The following LRRC8D variants were observed in gnomAD, a reference collection of about 807,000 sequenced individuals.
The protein encoded by LRRC8D is volume-regulated anion channel subunit LRRC8D.
In LRRC8D, 20 loss-of-function variants were observed where a neutral mutation model predicts 55.8. The observed-to-expected ratio is 0.36, with a 90% CI of 0.25 to 0.52. LRRC8D has a LOEUF of 0.52. Ranked by LOEUF, LRRC8D falls within the 20% of genes least tolerant of loss-of-function variation. LRRC8D has a pLI of 0.93. For missense variants in LRRC8D, 651 were observed against 1,030.8 expected, an observed-to-expected ratio of 0.63 and a Z score of 5.05; for synonymous variants, 352 against 377.0, an observed-to-expected ratio of 0.93 and a Z score of 0.77.
intron 2 of LRRC8D, among the ~76,000 whole-genome samples, chr1:89,882,103 A>C (rs540952700): frequency 1.3e-5 from 2 of 152,212 alleles, no homozygotes; most frequent in Non-Finnish European, 2.9e-5. Flanking sequence ...TTCTGGTTGT[A>C]TGCTGCCTAC....
chr1:89,887,767 A>G (rs1355398079), intron 2 of LRRC8D, among the ~76,000 whole-genome samples: 1 of 152,212 alleles, frequency 6.6e-6, no homozygotes, highest in East Asian at 1.9e-4. Context: ...TTTCTGCAGC[A>G]GTATCATGAA....
intron 2 of LRRC8D, among the ~76,000 whole-genome samples, chr1:89,880,747 G>A (rs1274875656): frequency 6.6e-6 from 1 of 151,990 alleles, no homozygotes; most frequent in African/African-American, 2.4e-5. Flanking sequence ...CTTCTTGCAT[G>A]GACTGTTGTG....
At chr1:89,832,687 C>T (rs1660915310) in intron 1 of LRRC8D, among the ~76,000 whole-genome samples, 1 of 152,154 alleles carries the variant, frequency 6.6e-6, no homozygotes, top group East Asian at 1.9e-4. Flanking sequence ...CTCTACTCTA[C>T]AGATGGAAGT....
intron 2 of LRRC8D, among the ~76,000 whole-genome samples, chr1:89,844,829 A>G (rs1289223183): frequency 6.6e-6 from 1 of 152,138 alleles, no homozygotes; most frequent in Admixed American, 6.5e-5. Flanking sequence ...CTTGGGGAGG[A>G]CACTAAGGGG....
At chr1:89,864,505 ATCTT>A (rs1355947326) in intron 2 of LRRC8D, among the ~76,000 whole-genome samples, 1 of 151,942 alleles carries the variant, frequency 6.6e-6, no homozygotes, top group Non-Finnish European at 1.5e-5. Flanking sequence ...TCTCAATTCT[ATCTT>A]AAATTTTATC....
intron 1 of LRRC8D, among the ~76,000 whole-genome samples, chr1:89,831,672 T>C (rs1213038704): frequency 6.6e-6 from 1 of 152,148 alleles, no homozygotes; most frequent in Non-Finnish European, 1.5e-5. Context: ...TATTTTGCAA[T>C]TCCTAGTGTA....
chr1:89,926,178 C>T (rs537879532), intron 2 of LRRC8D, among the ~76,000 whole-genome samples: 2 of 152,354 alleles, frequency 1.3e-5, no homozygotes, highest in South Asian at 4.1e-4. Context: ...GGGCTTGCCC[C>T]GTTCTGTGCA....
intron 1 of LRRC8D, among the ~76,000 whole-genome samples, chr1:89,830,177 A>G (rs781082190): frequency 1.3e-5 from 2 of 152,222 alleles, no homozygotes; most frequent in Non-Finnish European, 2.9e-5. Flanking sequence ...ATTATACTTC[A>G]TTATACTCAA....
At chr1:89,880,095 A>G (rs192725116) in intron 2 of LRRC8D, among the ~76,000 whole-genome samples, 1 of 151,810 alleles carries the variant, frequency 6.6e-6, no homozygotes, top group East Asian at 1.9e-4. Context: ...GCATGTCTCT[A>G]CGACGTTTGG....
chr1:89,824,863 G>A (rs1452825436), intron 1 of LRRC8D, among the ~76,000 whole-genome samples: 3 of 152,112 alleles, frequency 2.0e-5, no homozygotes, highest in Admixed American at 6.5e-5. Context: ...TGAGACCTAA[G>A]CATAAATGTC....
chr1:89,842,609 AG>A (rs1399585251), intron 1 of LRRC8D, among the ~76,000 whole-genome samples: 3 of 152,084 alleles, frequency 2.0e-5, no homozygotes, highest in Non-Finnish European at 1.5e-5. Flanking sequence ...CCGTTTGTCA[AG>A]AGACAGTCCT....
At chr1:89,866,786 A>G (rs1269705904) in intron 2 of LRRC8D, among the ~76,000 whole-genome samples, 1 of 152,176 alleles carries the variant, frequency 6.6e-6, no homozygotes, top group Non-Finnish European at 1.5e-5. Context: ...CCTCAGGAGC[A>G]TGGAGAATAC....
intron 2 of LRRC8D, among the ~76,000 whole-genome samples, chr1:89,881,870 C>G (rs138898847): frequency 1.3e-5 from 2 of 152,174 alleles, no homozygotes; most frequent in African/African-American, 4.8e-5. Context: ...GCTGAGGGTG[C>G]CCCTGGCTAT....
intron 2 of LRRC8D, among the ~76,000 whole-genome samples, chr1:89,924,741 A>G (rs1663513554): frequency 6.6e-6 from 1 of 152,214 alleles, no homozygotes; most frequent in Non-Finnish European, 1.5e-5. Flanking sequence ...AACCATAGAA[A>G]AGAATATATC....
intron 2 of LRRC8D, chr1:89,929,672 ATTGTTGTG>A (rs1663650910): frequency 6.6e-6 from 1 of 152,238 alleles, no homozygotes; most frequent in Non-Finnish European, 1.5e-5. Context: ...AGGCAATTTC[ATTGTTGTG>A]TAAATATCAG....
chr1:89,935,251 T>C lies in LRRC8D; in HGVS notation c.2183T>C (p.Leu728Ser). 1 of 1,614,150 alleles carries C rather than the reference T, an allele frequency of 6.2e-7. No homozygotes were observed. Among genetic ancestry groups the C allele is most frequent in the Admixed American group, 1.7e-5 (1 of 60,020 alleles). The change falls in exon 3 of 3, where the codon TTA (leucine) becomes TCA (serine). Residue 728 changes from leucine (L) to serine (S), a missense_variant. By Grantham distance (145) the Leu-to-Ser change is moderately radical. Around this residue, in one of 5 missense-constraint regions of LRRC8D, gnomAD observed 338 missense variants for 479.4 expected, o/e 0.71. Coordinates refer to ENST00000337338, the MANE Select transcript of LRRC8D (RefSeq NM_001134479.2). ...TCCTTACCAGTGGCAGTATTTAGTT[T>C]ACAGAAACTCAGATGCTTAGATGTG... Reference protein sequence around the residue: ...LESLPVAVFSLQKLRCLDVSY... With the variant: ...LESLPVAVFSSQKLRCLDVSY...
In LRRC8D at chr1:89,934,259, C is replaced by T. The variant is rs758366869; in HGVS notation, c.1191C>T (p.Phe397=). Residue 397 remains phenylalanine (F), a synonymous_variant, in exon 3 of 3, where the codon TTC becomes TTT. Coordinates refer to ENST00000337338, the MANE Select transcript of LRRC8D (RefSeq NM_001134479.2). This position sits in a 1 kb window ranked among gnomAD's most constrained non-coding sequence, Gnocchi z 5.9. ...LFRIPLKEYS[F]EKVREESSFS... is the part of the protein sequence containing the mutation. The stretch of plus-strand genomic sequence containing the variant: ...GGATACCTTTGAAGGAATATTCTTT[C>T]GAAAAAGTCAGAGAAGAGAGCAGTT... 5.0e-5 allele frequency: 80 copies of T among 1,613,960 alleles called. No homozygotes were observed. The highest frequency in any genetic ancestry group is 1.3e-4 in the East Asian group (6 of 44,886).
intron 1 of LRRC8D, among the ~76,000 whole-genome samples, chr1:89,842,842 C>T (rs550618275): frequency 1.3e-5 from 2 of 152,144 alleles, no homozygotes; most frequent in African/African-American, 4.8e-5. Flanking sequence ...CAGAGAACTA[C>T]GGAATCATTT....
intron 1 of LRRC8D, chr1:89,822,042 CCA>C (rs1660648162): frequency 6.6e-6 from 1 of 152,572 alleles, no homozygotes; most frequent in Non-Finnish European, 1.5e-5. Context: ...ACCAGCACCT[CCA>C]GTTACTGGAG....
Sources: allele counts gnomAD v4.1 joint callset (sites outside exome capture counted in the v4.1 genomes callset), GRCh38; gene constraint gnomAD v4.1.1; regional missense constraint gnomAD v4.1.1; non-coding constraint Gnocchi (gnomAD v3.1); transcripts MANE v1.5; gene names NCBI Gene and HGNC (gene_info 2026-07-23, HGNC 2026-07-21).